SPAG9: variants seen among roughly 807,000 people sequenced by gnomAD.
SPAG9 encodes C-Jun-amino-terminal kinase-interacting protein 4.
A neutral mutation model predicts 166.5 loss-of-function variants in SPAG9; 35 were observed. The observed-to-expected ratio is 0.21, with a 90% CI of 0.16 to 0.28. The LOEUF (loss-of-function observed/expected upper bound fraction) is 0.28, where lower values mean the gene tolerates loss of function less well. Ranked by LOEUF, SPAG9 falls within the 10% of genes least tolerant of loss-of-function variation. SPAG9 has a pLI of 1.00. For synonymous variants in SPAG9, 534 were observed against 565.5 expected (o/e 0.94, Z 0.79); for missense variants, 1,235 against 1,603.3 (o/e 0.77, Z 3.92).
At chr17:51,103,691 T>C (rs2048866165) in intron 1 of SPAG9, among the ~76,000 whole-genome samples, 4 of 152,256 alleles carry the variant, frequency 2.6e-5, no homozygotes, top group Admixed American at 1.3e-4. Flanking sequence ...TTTGAGAAGC[T>C]GAAGTGAGAG....
chr17:51,036,709 C>T (rs959658957), intron 5 of SPAG9, among the ~76,000 whole-genome samples: 1 of 152,074 alleles, frequency 6.6e-6, no homozygotes, highest in Non-Finnish European at 1.5e-5. Context: ...GTTGCTGGGG[C>T]CCTGACTCTC....
chr17:51,069,899 C>T (rs1429277336), intron 2 of SPAG9, among the ~76,000 whole-genome samples: 1 of 151,866 alleles, frequency 6.6e-6, no homozygotes, highest in African/African-American at 2.4e-5. Context: ...CCATTTAATT[C>T]AAAAAGACGA....
intron 5 of SPAG9, 133 bp downstream of exon 5, chr17:51,041,368 A>G: frequency 2.5e-6 from 2 of 798,564 alleles, no homozygotes; most frequent in Middle Eastern, 3.2e-4. Context: ...TTTCCAATTT[A>G]AAAAACCAAT....
At chr17:51,027,075 G>T (rs1462932345) in intron 6 of SPAG9, among the ~76,000 whole-genome samples, 1 of 152,098 alleles carries the variant, frequency 6.6e-6, no homozygotes, top group East Asian at 1.9e-4. Context: ...TGGGAAATCG[G>T]ACAAAGTATT....
At chr17:51,009,958 T>C (rs1412444462) in intron 9 of SPAG9, among the ~76,000 whole-genome samples, 2 of 152,272 alleles carry the variant, frequency 1.3e-5, no homozygotes, top group East Asian at 1.9e-4. Context: ...AATAACTCTT[T>C]ATAAGAAAAA....
chr17:51,086,685 C>A (rs534145268), intron 1 of SPAG9, among the ~76,000 whole-genome samples: 32 of 152,158 alleles, frequency 2.1e-4, no homozygotes, highest in Admixed American at 5.2e-4. Flanking sequence ...ATAATCCCAG[C>A]ACTTTGGGAG....
At position 50,963,503 on chromosome 17, in the gene SPAG9, G is replaced by C. The variant is rs1019974606; in HGVS notation, c.*2769C>G. The C allele has an allele frequency of 6.6e-6, 1 of 152,182 alleles. No individual in the cohort carries two copies. Among genetic ancestry groups the C allele is most frequent in the Non-Finnish European group, 1.5e-5 (1 of 68,040 alleles). The allele number at this position is 152,182 out of a possible 1,614,324, so 9.4% of individuals were successfully genotyped here. On this transcript the variant is annotated 3_prime_UTR_variant, in exon 30 of 30. Coordinates refer to ENST00000262013, the MANE Select transcript of SPAG9 (RefSeq NM_001130528.3). Reference sequence around the variant, plus strand: ...CATTTTTGTCCTCTCTCTGGTCCCTGCAGTTAATTAACAGGGCCACAGATA... The same window carrying C: ...CATTTTTGTCCTCTCTCTGGTCCCTCCAGTTAATTAACAGGGCCACAGATA...
rs1044623562 is a variant in SPAG9 at position 50,963,696 on chromosome 17, T to C, written c.*2576A>G. 1 of 152,228 alleles carries C rather than the reference T, an allele frequency of 6.6e-6. No homozygotes were observed. Among genetic ancestry groups the C allele is most frequent in the Non-Finnish European group, 1.5e-5 (1 of 68,044 alleles). 9.4% of individuals were successfully genotyped at this position (152,228 alleles called of 1,614,324 possible). The stretch of plus-strand genomic sequence containing the variant: ...ACAAACATGGCTGAACAACAGCAAA[T>C]GGGATCTGACTCTGGGATGTTTACT... On this transcript the variant is annotated 3_prime_UTR_variant, in exon 30 of 30. Coordinates refer to ENST00000262013, the MANE Select transcript of SPAG9 (RefSeq NM_001130528.3).
At chr17:51,035,948 T>C (rs1033463290) in intron 5 of SPAG9, among the ~76,000 whole-genome samples, 4 of 152,320 alleles carry the variant, frequency 2.6e-5, no homozygotes, top group African/African-American at 9.6e-5. Context: ...TTCTAGGCCT[T>C]GGATGGTTAT....
intron 6 of SPAG9, among the ~76,000 whole-genome samples, chr17:51,026,308 G>T (rs2046165690): frequency 6.8e-6 from 1 of 147,818 alleles, no homozygotes; most frequent in Non-Finnish European, 1.5e-5. Flanking sequence ...TAGATATCAT[G>T]GGGTGAAAAG....
At chr17:51,028,429 G>A (rs2046271528) in intron 6 of SPAG9, among the ~76,000 whole-genome samples, 1 of 151,998 alleles carries the variant, frequency 6.6e-6, no homozygotes. Flanking sequence ...CCCTATAGAG[G>A]TATACCATTT....
intron 3 of SPAG9, 96 bp from the exon 4 acceptor site, chr17:51,047,565 C>A: frequency 1.8e-6 from 1 of 563,804 alleles, no homozygotes; most frequent in Non-Finnish European, 3.0e-6. Context: ...GTACAATTTT[C>A]TTATCTATCA....
intron 22 of SPAG9, among the ~76,000 whole-genome samples, chr17:50,986,209 T>A (rs1457329514): frequency 6.6e-6 from 1 of 152,222 alleles, no homozygotes; most frequent in Non-Finnish European, 1.5e-5. Flanking sequence ...CTAAGAATAC[T>A]TTTTACATTT....
chr17:51,103,596 G>A (rs2048863497), intron 1 of SPAG9, among the ~76,000 whole-genome samples: 1 of 152,160 alleles, frequency 6.6e-6, no homozygotes, highest in African/African-American at 2.4e-5. Context: ...ACAAGGTCTT[G>A]TATGTTAGGA....
At chr17:51,060,847 G>GTT (rs574495716) in intron 2 of SPAG9, among the ~76,000 whole-genome samples, 23 of 135,874 alleles carry the variant, frequency 1.7e-4, no homozygotes, top group African/African-American at 5.1e-4. Flanking sequence ...GGTTTTTTTT[G>GTT]TTTTTTTTTT....
At chr17:50,978,237 G>C (rs1974333409) in intron 26 of SPAG9, among the ~76,000 whole-genome samples, 1 of 152,192 alleles carries the variant, frequency 6.6e-6, no homozygotes, top group Non-Finnish European at 1.5e-5. Context: ...CTGAATCACA[G>C]TGTTAGAAGG....
At chr17:51,040,276 C>T (rs777752284) in intron 5 of SPAG9, among the ~76,000 whole-genome samples, 1 of 150,246 alleles carries the variant, frequency 6.7e-6, no homozygotes, top group Admixed American at 6.6e-5. Flanking sequence ...TGAGAGCGAG[C>T]GAGTTGCCCA....
intron 1 of SPAG9, among the ~76,000 whole-genome samples, chr17:51,104,708 CG>C (rs1430970552): frequency 1.3e-5 from 2 of 151,774 alleles, no homozygotes; most frequent in Non-Finnish European, 2.9e-5. Flanking sequence ...CCGAGGCGGG[CG>C]GATCACGAGG....
intron 1 of SPAG9, among the ~76,000 whole-genome samples, chr17:51,099,865 C>T (rs912207510): frequency 6.6e-5 from 10 of 150,870 alleles, no homozygotes; most frequent in East Asian, 1.9e-4. Context: ...TTTGGGAGGC[C>T]GAGACAGGTG....
Sources: gnomAD v4.1 joint callset for allele counts (sites outside exome capture counted in the v4.1 genomes callset) on GRCh38, gnomAD v4.1.1 for gene constraint, MANE v1.5 for transcripts, NCBI Gene and HGNC (gene_info 2026-07-23, HGNC 2026-07-21) for gene names.